Variants in VWA8 observed in about 807,000 individuals in gnomAD.
The protein encoded by VWA8 is von Willebrand factor A domain-containing protein 8.
In VWA8, 221 loss-of-function variants were observed where a neutral mutation model predicts 241.5. The ratio of observed to expected loss-of-function variants is 0.91; its 90% CI spans 0.82 to 1.02. VWA8 has a LOEUF of 1.02. Among genes scored for constraint, VWA8 ranks in the 50% least tolerant of loss-of-function variants. The pLI is 0.00. For synonymous variants in VWA8, 852 were observed against 827.1 expected, an observed-to-expected ratio of 1.03 and a Z score of -0.52; for missense variants, 2,322 against 2,328.7, an observed-to-expected ratio of 1.00 and a Z score of 0.06.
chr13:41,686,278 T>C (rs887820008), intron 34 of VWA8, among the ~76,000 whole-genome samples: 19 of 152,166 alleles, frequency 1.2e-4, no homozygotes, highest in African/African-American at 3.4e-4. Context: ...GTTCTGGTTA[T>C]TGTTTGCCCT....
intron 12 of VWA8, among the ~76,000 whole-genome samples, chr13:41,846,892 G>T (rs980558324): frequency 5.3e-5 from 8 of 152,040 alleles, no homozygotes; most frequent in African/African-American, 1.9e-4. Context: ...AGCCAGGTGT[G>T]GTGGTGCACA....
intron 33 of VWA8, 67 bp from the exon 34 acceptor site, chr13:41,689,575 T>C: frequency 7.2e-7 from 1 of 1,392,698 alleles, no homozygotes; most frequent in Non-Finnish European, 9.4e-7. Flanking sequence ...TTTTGCAAGA[T>C]TTTATTCTCA....
At chr13:41,822,208 C>T (rs982053021) in intron 14 of VWA8, among the ~76,000 whole-genome samples, 1 of 152,012 alleles carries the variant, frequency 6.6e-6, no homozygotes, top group Non-Finnish European at 1.5e-5. Context: ...AAAAAGACTT[C>T]AAAAATCTCC....
intron 36 of VWA8, among the ~76,000 whole-genome samples, chr13:41,674,655 T>C (rs2045047661): frequency 6.6e-6 from 1 of 152,158 alleles, no homozygotes; most frequent in Non-Finnish European, 1.5e-5. Context: ...CTTTATTGTT[T>C]CTGTTTTTAA....
intron 17 of VWA8, among the ~76,000 whole-genome samples, chr13:41,798,972 T>C (rs1364971189): frequency 2.6e-5 from 4 of 152,220 alleles, no homozygotes; most frequent in Non-Finnish European, 5.9e-5. Flanking sequence ...AATGACTATA[T>C]TCTTCAATTG....
chr13:41,782,841 TA>T (rs930012109), intron 19 of VWA8, among the ~76,000 whole-genome samples: 1 of 151,824 alleles, frequency 6.6e-6, no homozygotes, highest in Non-Finnish European at 1.5e-5. Flanking sequence ...TAATTTTCTC[TA>T]AAAAAATTCT....
chr13:41,957,868 A>C (rs1878419106), intron 1 of VWA8, among the ~76,000 whole-genome samples: 1 of 152,312 alleles, frequency 6.6e-6, no homozygotes, highest in Non-Finnish European at 1.5e-5. Context: ...CCAAAATGTC[A>C]TGATATATTT....
intron 37 of VWA8, among the ~76,000 whole-genome samples, chr13:41,644,581 C>T (rs1370449210): frequency 1.3e-5 from 2 of 152,198 alleles, no homozygotes; most frequent in Non-Finnish European, 2.9e-5. Flanking sequence ...TCTACATGGT[C>T]CCAGTGTGAG....
At chr13:41,678,287 T>C (rs922881931) in intron 35 of VWA8, among the ~76,000 whole-genome samples, 2 of 152,180 alleles carry the variant, frequency 1.3e-5, no homozygotes, top group Non-Finnish European at 2.9e-5. Context: ...CTATAGTAAT[T>C]TGACCACCCA....
At chr13:41,738,213 A>G (rs1325106448) in intron 21 of VWA8, among the ~76,000 whole-genome samples, 1 of 152,210 alleles carries the variant, frequency 6.6e-6, no homozygotes, top group Non-Finnish European at 1.5e-5. Flanking sequence ...TCTATATCTT[A>G]AAATAGTTAT....
chr13:41,876,317 A>G (rs1269200554), intron 9 of VWA8, among the ~76,000 whole-genome samples: 1 of 152,100 alleles, frequency 6.6e-6, no homozygotes, highest in Admixed American at 6.6e-5. Context: ...AGTCCTTTCC[A>G]TGGATTACAG....
At chr13:41,648,541 G>C (rs2044847845) in intron 37 of VWA8, among the ~76,000 whole-genome samples, 1 of 152,130 alleles carries the variant, frequency 6.6e-6, no homozygotes, top group African/African-American at 2.4e-5. Context: ...GAACTTTCCC[G>C]AATGTAAACA....
Position 41,886,629 on chromosome 13 carries a change from T to A in VWA8, c.866+152A>T, listed in dbSNP as rs550353907. 3.2e-5 allele frequency: 21 copies of A among 649,840 alleles called. No individual in the cohort carries two copies. The South Asian group carries it at 4.1e-4, about 13-fold the overall frequency. 40.3% of individuals were successfully genotyped at this position (649,840 alleles called of 1,614,324 possible). On this transcript the variant is annotated intron_variant, in intron 7 of 44. Coordinates refer to ENST00000379310, the MANE Select transcript of VWA8 (RefSeq NM_015058.2). ...GATCTTGAGTTTCCTGCCAAAGATA[T>A]CTTATTAATTTTATCACCAAACATC... is the stretch of plus-strand genomic sequence containing the variant.
chr13:41,956,354 C>T (rs1427431138), intron 1 of VWA8, among the ~76,000 whole-genome samples: 2 of 152,190 alleles, frequency 1.3e-5, no homozygotes, highest in Non-Finnish European at 2.9e-5. Context: ...ATATACTAAA[C>T]TTAGACCCAA....
At chr13:41,909,618 G>C (rs1875899124) in intron 3 of VWA8, among the ~76,000 whole-genome samples, 1 of 152,158 alleles carries the variant, frequency 6.6e-6, no homozygotes, top group African/African-American at 2.4e-5. Context: ...GCTTCCATTA[G>C]TTGACAAAGT....
At chr13:41,886,727 C>A in intron 7 of VWA8, 54 bp downstream of exon 7, 1 of 1,409,070 alleles carries the variant, frequency 7.1e-7, no homozygotes, top group South Asian at 1.3e-5. Flanking sequence ...AATCAATGAA[C>A]AGGCAAAACA....
intron 37 of VWA8, among the ~76,000 whole-genome samples, chr13:41,656,701 G>A (rs1736011743): frequency 6.6e-6 from 1 of 152,154 alleles, no homozygotes; most frequent in African/African-American, 2.4e-5. Context: ...TAAGGATCAT[G>A]CTTCATGATT....
chr13:41,655,701 A>T (rs2044899886), intron 37 of VWA8, among the ~76,000 whole-genome samples: 1 of 152,186 alleles, frequency 6.6e-6, no homozygotes, highest in African/African-American at 2.4e-5. Flanking sequence ...CAAAGATTAG[A>T]AGATATTAGT....
At chr13:41,898,014 T>TA (rs749470648) in intron 4 of VWA8, among the ~76,000 whole-genome samples, 2 of 152,062 alleles carry the variant, frequency 1.3e-5, no homozygotes, top group Non-Finnish European at 2.9e-5. Flanking sequence ...CCAGATTAGC[T>TA]AGATACAGTG....
Sources: allele counts gnomAD v4.1 joint callset (sites outside exome capture counted in the v4.1 genomes callset), GRCh38; gene constraint gnomAD v4.1.1; transcripts MANE v1.5; gene names NCBI Gene and HGNC (gene_info 2026-07-23, HGNC 2026-07-21).